Variants in CACNA1C observed in about 807,000 individuals in gnomAD.
The protein encoded by CACNA1C is calcium voltage-gated channel subunit alpha1 C.
CACNA1C carries 30 observed loss-of-function variants against 229.0 expected under a neutral mutation model. The ratio of observed to expected loss-of-function variants is 0.13; its 90% CI spans 0.10 to 0.18. The LOEUF (loss-of-function observed/expected upper bound fraction) is 0.18, where lower values mean the gene tolerates loss of function less well. CACNA1C is among the 10% of genes least tolerant of loss of function. The pLI is 1.00. For missense variants in CACNA1C, 1,658 were observed against 2,845.0 expected, an observed-to-expected ratio of 0.58 and a Z score of 9.49; for synonymous variants, 1,114 against 1,132.5, an observed-to-expected ratio of 0.98 and a Z score of 0.33.
In CACNA1C at chr12:2,655,127, C is replaced by G; in HGVS notation, c.4141-20C>G. The G allele has an allele frequency of 6.8e-7, 1 of 1,477,002 alleles. No homozygotes were observed. Among genetic ancestry groups the G allele is most frequent in the East Asian group, 2.3e-5 (1 of 44,162 alleles). The allele number at this position is 1,477,002 out of a possible 1,614,324, so 91.5% of individuals were successfully genotyped here. A position where few individuals can be genotyped will look rare whatever the true frequency, so the allele number is the denominator to read the frequency against. ...TATCTGTCCACAAATCACTGAACAC[C>G]TCTTCCTTCTCTCTCCTAGGTGTTT... On this transcript the variant is annotated intron_variant, in intron 33 of 46. Coordinates refer to ENST00000399655, the MANE Select transcript of CACNA1C (RefSeq NM_000719.7).
At chr12:2,418,610 C>A (rs1171804665) in intron 3 of CACNA1C, among the ~76,000 whole-genome samples, 1 of 151,954 alleles carries the variant, frequency 6.6e-6, no homozygotes, top group Non-Finnish European at 1.5e-5. Context: ...CAGTTATGCA[C>A]CACAAGGACT....
At chr12:2,375,352 T>C (rs2098017965) in intron 3 of CACNA1C, among the ~76,000 whole-genome samples, 1 of 152,196 alleles carries the variant, frequency 6.6e-6, no homozygotes, top group South Asian at 2.1e-4. Flanking sequence ...CAGTGAATGA[T>C]GCCCGGTGTC....
chr12:2,644,847 C>T (rs2094159954), intron 30 of CACNA1C, among the ~76,000 whole-genome samples: 1 of 152,228 alleles, frequency 6.6e-6, no homozygotes, highest in African/African-American at 2.4e-5. Context: ...CACTCCCCTC[C>T]TCACTGCCAG....
intron 1 of CACNA1C, among the ~76,000 whole-genome samples, chr12:2,036,842 C>T (rs988356721): frequency 6.6e-6 from 1 of 152,126 alleles, no homozygotes; most frequent in African/African-American, 2.4e-5. Flanking sequence ...CCTTTAGTGA[C>T]CAGATGAGGA....
chr12:2,362,569 T>C (rs1028952658), intron 3 of CACNA1C, among the ~76,000 whole-genome samples: 6 of 152,198 alleles, frequency 3.9e-5, no homozygotes, highest in African/African-American at 1.4e-4. Flanking sequence ...CTGGGGTGCA[T>C]GTGTGTCCTC....
At chr12:2,259,554 C>CCAGAATTTTTTTGA in intron 3 of CACNA1C, among the ~76,000 whole-genome samples, 1 of 152,292 alleles carries the variant, frequency 6.6e-6, no homozygotes, top group South Asian at 2.1e-4. Context: ...GCAGAATTTT[C>CCAGAATTTTTTTGA]CAGTGTCTTT....
At chr12:2,552,245 G>A (rs1228033348) in intron 10 of CACNA1C, among the ~76,000 whole-genome samples, 1 of 152,244 alleles carries the variant, frequency 6.6e-6, no homozygotes, top group Non-Finnish European at 1.5e-5. Flanking sequence ...ACACACAACA[G>A]GGAGGAAATT....
At chr12:2,364,472 G>C (rs1348265134) in intron 3 of CACNA1C, among the ~76,000 whole-genome samples, 2 of 152,176 alleles carry the variant, frequency 1.3e-5, no homozygotes, top group Admixed American at 6.5e-5. Flanking sequence ...AGAGACTTAG[G>C]ATACAAAGAG....
intron 3 of CACNA1C, among the ~76,000 whole-genome samples, chr12:2,434,586 G>T (rs1244277728): frequency 1.3e-5 from 2 of 152,286 alleles, no homozygotes; most frequent in East Asian, 3.9e-4. Context: ...ATGCACGAAG[G>T]GGAGTGGGGA....
intron 3 of CACNA1C, among the ~76,000 whole-genome samples, chr12:2,233,681 C>T (rs1403445485): frequency 6.6e-6 from 1 of 152,190 alleles, no homozygotes; most frequent in Non-Finnish European, 1.5e-5. Flanking sequence ...TTGACTTCTT[C>T]AGATGCAAGG....
intron 3 of CACNA1C, among the ~76,000 whole-genome samples, chr12:2,385,537 G>A (rs2098364026): frequency 6.6e-6 from 1 of 152,090 alleles, no homozygotes; most frequent in South Asian, 2.1e-4. Flanking sequence ...CCCTCCCTCT[G>A]TAGCCTTAGG....
intron 3 of CACNA1C, among the ~76,000 whole-genome samples, chr12:2,198,125 A>T (rs2097467359): frequency 6.6e-6 from 1 of 152,210 alleles, no homozygotes; most frequent in African/African-American, 2.4e-5. Flanking sequence ...CTGGGAGTCG[A>T]GGCCGAGTTT....
chr12:2,323,491 A>T (rs1202718935), intron 3 of CACNA1C, among the ~76,000 whole-genome samples: 1 of 152,070 alleles, frequency 6.6e-6, no homozygotes, highest in African/African-American at 2.4e-5. Flanking sequence ...TCAGAATAGG[A>T]TTAGAGTAGA....
intron 3 of CACNA1C, among the ~76,000 whole-genome samples, chr12:2,167,657 A>G (rs2096292758): frequency 6.6e-6 from 1 of 152,146 alleles, no homozygotes; most frequent in Non-Finnish European, 1.5e-5. Context: ...ACAGATTTGG[A>G]TGGAGTTTAT....
At chr12:2,371,128 G>C (rs894602149) in intron 3 of CACNA1C, among the ~76,000 whole-genome samples, 8 of 152,184 alleles carry the variant, frequency 5.3e-5, no homozygotes, top group African/African-American at 1.7e-4. Context: ...TGAAAAATCA[G>C]ACTAATTCTG....
intron 3 of CACNA1C, among the ~76,000 whole-genome samples, chr12:2,169,406 C>T (rs1203083303): frequency 6.6e-6 from 1 of 152,188 alleles, no homozygotes. Context: ...GGCATCTGAG[C>T]TTGGCCTGAG....
chr12:2,098,559 T>C (rs998664543), intron 1 of CACNA1C, among the ~76,000 whole-genome samples: 2 of 152,350 alleles, frequency 1.3e-5, no homozygotes, highest in South Asian at 4.1e-4. Flanking sequence ...CTTTTACTAA[T>C]AGAGGATCCT....
chr12:2,612,253 A>T, intron 29 of CACNA1C: 1 of 487,188 alleles, frequency 2.1e-6, no homozygotes, highest in South Asian at 2.9e-5. Context: ...CAAGCTGCAG[A>T]TTCCTCGCTG....
intron 3 of CACNA1C, among the ~76,000 whole-genome samples, chr12:2,164,358 C>T (rs2096093288): frequency 6.6e-6 from 1 of 152,208 alleles, no homozygotes; most frequent in South Asian, 2.1e-4. Context: ...GACCTGGGAA[C>T]CCAGAGACCA....
Sources: allele counts gnomAD v4.1 joint callset (sites outside exome capture counted in the v4.1 genomes callset), GRCh38; gene constraint gnomAD v4.1.1; transcripts MANE v1.5; gene names NCBI Gene and HGNC (gene_info 2026-07-23, HGNC 2026-07-21).